Variants in SDK1 observed in about 807,000 individuals in gnomAD.
The protein encoded by SDK1 is sidekick cell adhesion molecule 1.
Under a neutral mutation model 245.5 loss-of-function variants are expected in SDK1, and 157 were observed. That is an observed-to-expected ratio of 0.64 (90% CI 0.56 to 0.73). The LOEUF (loss-of-function observed/expected upper bound fraction) is 0.73, where lower values mean the gene tolerates loss of function less well. Among genes scored for constraint, SDK1 ranks in the 30% least tolerant of loss-of-function variants. The probability of loss-of-function intolerance (pLI) is 0.00; values close to 1 mark genes in which losing one functional copy is unlikely to be tolerated. For missense variants in SDK1, 3,583 were observed against 3,002.3 expected, an observed-to-expected ratio of 1.19 and a Z score of -4.52; for synonymous variants, 1,647 against 1,278.5, an observed-to-expected ratio of 1.29 and a Z score of -6.15.
chr7:3,522,855 A>G (rs1782988357), intron 1 of SDK1, among the ~76,000 whole-genome samples: 1 of 143,126 alleles, frequency 7.0e-6, no homozygotes, highest in Non-Finnish European at 1.5e-5. Context: ...TATTCACATC[A>G]GTGAGTATGG....
At chr7:3,585,448 A>C (rs1219420627) in intron 1 of SDK1, among the ~76,000 whole-genome samples, 3 of 152,216 alleles carry the variant, frequency 2.0e-5, no homozygotes, top group Non-Finnish European at 4.4e-5. Context: ...GATAGGTAGA[A>C]AAAAGAGATG....
intron 41 of SDK1, among the ~76,000 whole-genome samples, chr7:4,235,916 G>A (rs938683125): frequency 6.6e-6 from 1 of 152,262 alleles, no homozygotes; most frequent in African/African-American, 2.4e-5. Context: ...TTTCCTACCA[G>A]GTGCTGGGGT....
chr7:3,479,262 A>T (rs1781437063), intron 1 of SDK1, among the ~76,000 whole-genome samples: 1 of 151,832 alleles, frequency 6.6e-6, no homozygotes, highest in Non-Finnish European at 1.5e-5. Flanking sequence ...TCTCTACCAA[A>T]AACATAAAAA....
At chr7:3,776,909 G>T (rs1435802524) in intron 4 of SDK1, among the ~76,000 whole-genome samples, 2 of 152,112 alleles carry the variant, frequency 1.3e-5, no homozygotes, top group Non-Finnish European at 2.9e-5. Flanking sequence ...AACATGCAGA[G>T]AACTGTATCA....
At chr7:3,672,783 ATATATATATAT>A (rs1783754315) in intron 4 of SDK1, among the ~76,000 whole-genome samples, 1 of 103,578 alleles carries the variant, frequency 9.7e-6, no homozygotes, top group Admixed American at 1.1e-4. Flanking sequence ...ATATATATAT[ATATATATATAT>A]AAAAAATACA....
rs571082293 is a variant in SDK1, at chr7:3,630,518, C to T, written c.459-8486C>T. The stretch of plus-strand genomic sequence containing the variant: ...GGGCATGGTGGTGCATGCCTATAAT[C>T]CCAGTTAGTTGGGAGGTTGAGGCAG... On this transcript the variant is annotated intron_variant, in intron 2 of 44. Transcript: ENST00000404826. 2.6e-5 allele frequency among the ~76,000 whole-genome samples: 4 copies of T among 152,248 alleles called. No homozygotes were observed. The East Asian group carries it at 7.7e-4, about 29-fold the overall frequency.
intron 22 of SDK1, among the ~76,000 whole-genome samples, chr7:4,106,293 TC>T (rs990923189): frequency 1.5e-4 from 22 of 149,696 alleles, no homozygotes; most frequent in African/African-American, 5.5e-4. Flanking sequence ...GTCCCCCGTT[TC>T]TTTTTTTTCT....
intron 13 of SDK1, among the ~76,000 whole-genome samples, chr7:3,977,221 T>C (rs1328055812): frequency 1.4e-4 from 4 of 27,704 alleles, no homozygotes; most frequent in South Asian, 2.3e-3. Context: ...ACGCAGAGGG[T>C]CCTCCAGAGA....
chr7:3,351,394 G>T (rs1052040525), intron 1 of SDK1, among the ~76,000 whole-genome samples: 2 of 152,146 alleles, frequency 1.3e-5, no homozygotes, highest in Non-Finnish European at 1.5e-5. Context: ...TATGAAGACA[G>T]TATAGAGGAG....
At chr7:3,946,399 C>G (rs944454363) in intron 5 of SDK1, among the ~76,000 whole-genome samples, 1 of 152,096 alleles carries the variant, frequency 6.6e-6, no homozygotes, top group Non-Finnish European at 1.5e-5. Context: ...AGGCTGGTCT[C>G]AAACTCCTGA....
At chr7:3,432,170 T>C (rs1294047030) in intron 1 of SDK1, among the ~76,000 whole-genome samples, 4 of 149,208 alleles carry the variant, frequency 2.7e-5, no homozygotes, top group Non-Finnish European at 5.9e-5. Context: ...TTTTTATATA[T>C]ATATATATCC....
intron 4 of SDK1, among the ~76,000 whole-genome samples, chr7:3,669,106 A>T (rs1783619429): frequency 6.6e-6 from 1 of 152,268 alleles, no homozygotes. Context: ...ATCTGAGAAG[A>T]AGTAGAATAT....
chr7:4,175,933 ATGGCT>A (rs1426313090), intron 34 of SDK1, 99 bp downstream of exon 34: 11 of 1,004,266 alleles, frequency 1.1e-5, no homozygotes, highest in Non-Finnish European at 1.7e-5. Context: ...GCCTGGATTA[ATGGCT>A]CCAGTTCTGG....
At chr7:3,815,630 A>T (rs1461441427) in intron 4 of SDK1, among the ~76,000 whole-genome samples, 1 of 150,148 alleles carries the variant, frequency 6.7e-6, no homozygotes, top group African/African-American at 2.5e-5. Context: ...TGGCCTCATA[A>T]AATGAGTTAG....
chr7:3,685,730 A>G (rs1027648274), intron 4 of SDK1, among the ~76,000 whole-genome samples: 2 of 152,210 alleles, frequency 1.3e-5, no homozygotes, highest in African/African-American at 2.4e-5. Flanking sequence ...ATATATGTAC[A>G]TTGTGATACC....
chr7:3,952,181 C>T (rs1442810797), intron 7 of SDK1: 10 of 482,424 alleles, frequency 2.1e-5, no homozygotes, highest in Admixed American at 1.6e-4. Flanking sequence ...GGAAATAGAG[C>T]GGTGAAACCC....
intron 4 of SDK1, among the ~76,000 whole-genome samples, chr7:3,731,456 C>A (rs1334462355): frequency 1.3e-5 from 2 of 152,194 alleles, no homozygotes; most frequent in African/African-American, 4.8e-5. Context: ...ACAAGGAAGC[C>A]AGCTGACAGC....
intron 1 of SDK1, among the ~76,000 whole-genome samples, chr7:3,435,621 T>G (rs1030374812): frequency 6.6e-6 from 1 of 152,086 alleles, no homozygotes; most frequent in Admixed American, 6.5e-5. Context: ...CGCTTCGGCC[T>G]CCCAAAGTGC....
At chr7:4,006,301 G>A (rs575026662) in intron 14 of SDK1, among the ~76,000 whole-genome samples, 12 of 152,286 alleles carry the variant, frequency 7.9e-5, no homozygotes, top group Admixed American at 5.9e-4. Context: ...TCTGTAGAAC[G>A]GAGCCTGGCT....
Sources: allele counts gnomAD v4.1 joint callset (sites outside exome capture counted in the v4.1 genomes callset), GRCh38; gene constraint gnomAD v4.1.1; transcripts MANE v1.5; gene names NCBI Gene and HGNC (gene_info 2026-07-23, HGNC 2026-07-21).